Variants in ULK4 observed in about 807,000 individuals in gnomAD.
ULK4 encodes the protein inactive serine/threonine-protein kinase ULK4.
Under a neutral mutation model 160.6 loss-of-function variants are expected in ULK4, and 133 were observed. That is an observed-to-expected ratio of 0.83 (90% CI 0.72 to 0.96). The LOEUF (loss-of-function observed/expected upper bound fraction) is 0.96, where lower values mean the gene tolerates loss of function less well. Among genes scored for constraint, ULK4 ranks in the 40% least tolerant of loss-of-function variants. ULK4 has a pLI of 0.00. For missense variants in ULK4, 1,580 were observed against 1,499.5 expected (o/e 1.05, Z -0.89); for synonymous variants, 534 against 539.8 (o/e 0.99, Z 0.15).
intron 21 of ULK4, among the ~76,000 whole-genome samples, chr3:41,773,344 C>A (rs2039477641): frequency 6.6e-6 from 1 of 152,256 alleles, no homozygotes; most frequent in Non-Finnish European, 1.5e-5. Context: ...CCCAAAATAT[C>A]CTTAAGCTGA....
chr3:41,750,773 A>T (rs2038593740), intron 22 of ULK4, among the ~76,000 whole-genome samples: 1 of 151,758 alleles, frequency 6.6e-6, no homozygotes. Context: ...AGGCGGGTGG[A>T]TTATTTGAGG....
At chr3:41,429,279 G>A (rs554102683) in intron 34 of ULK4, among the ~76,000 whole-genome samples, 5 of 152,310 alleles carry the variant, frequency 3.3e-5, no homozygotes, top group African/African-American at 9.6e-5. Flanking sequence ...TGGAGAAAGA[G>A]GAACGCTTTA....
At chr3:41,261,116 G>T (rs1346754670) in intron 35 of ULK4, among the ~76,000 whole-genome samples, 1 of 152,130 alleles carries the variant, frequency 6.6e-6, no homozygotes, top group East Asian at 1.9e-4. Flanking sequence ...ATGTGCGGGG[G>T]CAAAGTTGAC....
intron 32 of ULK4, among the ~76,000 whole-genome samples, chr3:41,469,602 CAAAA>C (rs71616008): frequency 8.8e-4 from 10 of 11,308 alleles, no homozygotes; most frequent in African/African-American, 2.2e-3. Flanking sequence ...CTACACCTGC[CAAAA>C]AAAAAAAAAA....
At chr3:41,393,235 C>T (rs184910859) in intron 35 of ULK4, among the ~76,000 whole-genome samples, 9 of 152,290 alleles carry the variant, frequency 5.9e-5, no homozygotes, top group Admixed American at 2.6e-4. Context: ...GTGATAGCTA[C>T]TATGGTAAAG....
intron 32 of ULK4, among the ~76,000 whole-genome samples, chr3:41,551,547 A>G (rs1476230904): frequency 1.3e-5 from 2 of 151,884 alleles, no homozygotes; most frequent in Non-Finnish European, 2.9e-5. Flanking sequence ...CTAGGCATAT[A>G]CAACTGCCAA....
At chr3:41,826,789 C>T (rs2041372640) in intron 18 of ULK4, among the ~76,000 whole-genome samples, 1 of 146,074 alleles carries the variant, frequency 6.8e-6, no homozygotes, top group Non-Finnish European at 1.5e-5. Context: ...GAATTGAACA[C>T]AGCTATGCAC....
chr3:41,480,044 A>C (rs2084267028), intron 32 of ULK4, among the ~76,000 whole-genome samples: 1 of 151,968 alleles, frequency 6.6e-6, no homozygotes, highest in African/African-American at 2.4e-5. Context: ...TGTCTCTACT[A>C]AAAATACAAA....
At chr3:41,569,873 G>T (rs886638985) in intron 31 of ULK4, among the ~76,000 whole-genome samples, 1 of 151,816 alleles carries the variant, frequency 6.6e-6, no homozygotes, top group African/African-American at 2.4e-5. Context: ...GCATTTCCCC[G>T]CCTGCTTGGA....
At chr3:41,358,348 G>A (rs1346500816) in intron 35 of ULK4, among the ~76,000 whole-genome samples, 1 of 152,124 alleles carries the variant, frequency 6.6e-6, no homozygotes, top group Non-Finnish European at 1.5e-5. Flanking sequence ...TATATCAGAG[G>A]GGCAGATAAA....
intron 35 of ULK4, among the ~76,000 whole-genome samples, chr3:41,361,622 C>A (rs1056677098): frequency 4.7e-4 from 71 of 152,148 alleles, no homozygotes; most frequent in Non-Finnish European, 3.7e-4. Context: ...GTTTTCATAT[C>A]CCGATGTGAC....
intron 35 of ULK4, among the ~76,000 whole-genome samples, chr3:41,301,173 G>T (rs2079788679): frequency 6.6e-6 from 1 of 151,954 alleles, no homozygotes; most frequent in African/African-American, 2.4e-5. Context: ...GCCTTCATTA[G>T]TCAAGACTGA....
intron 17 of ULK4, among the ~76,000 whole-genome samples, chr3:41,849,298 TC>T (rs1421150338): frequency 8.5e-5 from 13 of 152,336 alleles, no homozygotes; most frequent in African/African-American, 2.9e-4. Flanking sequence ...TGCATCCATA[TC>T]TTAGGGTAGA....
At chr3:41,326,143 G>C (rs541530156) in intron 35 of ULK4, among the ~76,000 whole-genome samples, 180 of 152,184 alleles carry the variant, frequency 1.2e-3, no homozygotes, top group South Asian at 2.3e-3. Context: ...GGCAGGGGGG[G>C]GCTCCCCAAG....
At chr3:41,793,207 G>C (rs1006768834) in intron 20 of ULK4, among the ~76,000 whole-genome samples, 1 of 151,520 alleles carries the variant, frequency 6.6e-6, no homozygotes, top group Non-Finnish European at 1.5e-5. Flanking sequence ...AATAGAGTCT[G>C]AGATTATATT....
At chr3:41,950,145 G>A (rs1192003421) in intron 2 of ULK4, among the ~76,000 whole-genome samples, 1 of 151,404 alleles carries the variant, frequency 6.6e-6, no homozygotes, top group Admixed American at 6.6e-5. Flanking sequence ...GGAGCACAGT[G>A]GCACAATCAT....
intron 12 of ULK4, among the ~76,000 whole-genome samples, chr3:41,906,216 CAA>C (rs58001920): frequency 5.8e-4 from 39 of 67,094 alleles, no homozygotes; most frequent in African/African-American, 7.0e-4. Flanking sequence ...GACTCCGTCT[CAA>C]AAAAAAAAAA....
rs1224499791 is a variant in ULK4, at chr3:41,747,197, TTAAGA to T, written c.2321+7159_2321+7163del. Among the ~76,000 whole-genome samples the T allele has an allele frequency of 9.9e-5, 15 of 151,826 alleles. 1 individual carries two copies. Among genetic ancestry groups the T allele is most frequent in the African/African-American group, 3.2e-4 (13 of 41,112 alleles). On this transcript the variant is annotated intron_variant, in intron 22 of 36. Transcript: ENST00000301831. ...CACTTTGGTTCTGTAAAATATCCTGTTAAGATAAGATGACAAGCTACACATGGAGA... is the reference window on the plus strand; with the variant it reads ...CACTTTGGTTCTGTAAAATATCCTGTTAAGATGACAAGCTACACATGGAGA...
intron 19 of ULK4, among the ~76,000 whole-genome samples, chr3:41,814,654 C>T (rs1323663280): frequency 6.6e-6 from 1 of 152,024 alleles, no homozygotes; most frequent in African/African-American, 2.4e-5. Context: ...ATTTTGACTG[C>T]TAGTTATTAG....
Sources: gnomAD v4.1 joint callset for allele counts (sites outside exome capture counted in the v4.1 genomes callset) on GRCh38, gnomAD v4.1.1 for gene constraint, MANE v1.5 for transcripts, NCBI Gene and HGNC (gene_info 2026-07-23, HGNC 2026-07-21) for gene names.